The following ZMYM1 variants were observed in gnomAD, a reference collection of about 807,000 sequenced individuals.
The protein encoded by ZMYM1 is zinc finger MYM-type protein 1.
ZMYM1 carries 39 observed loss-of-function variants against 60.0 expected under a neutral mutation model. The observed-to-expected ratio is 0.65, with a 90% CI of 0.50 to 0.85. The LOEUF (loss-of-function observed/expected upper bound fraction) is 0.85, where lower values mean the gene tolerates loss of function less well. Among genes scored for constraint, ZMYM1 ranks in the 40% least tolerant of loss-of-function variants. The probability of loss-of-function intolerance (pLI) is 0.00; values close to 1 mark genes in which losing one functional copy is unlikely to be tolerated. For missense variants in ZMYM1, 1,171 were observed against 1,309.5 expected, an observed-to-expected ratio of 0.89 and a Z score of 1.63; for synonymous variants, 413 against 454.0, an observed-to-expected ratio of 0.91 and a Z score of 1.15.
At chr1:35,100,779 G>A (rs886429331) in intron 4 of ZMYM1, among the ~76,000 whole-genome samples, 24 of 151,800 alleles carry the variant, frequency 1.6e-4, no homozygotes, top group African/African-American at 5.1e-4. Context: ...TTTATTTATC[G>A]GAAAGTTGTT....
chr1:35,097,037 C>G (rs1557671862), intron 3 of ZMYM1, among the ~76,000 whole-genome samples: 1 of 151,928 alleles, frequency 6.6e-6, no homozygotes, highest in East Asian at 1.9e-4. Context: ...GTTGGCCAAG[C>G]TGGTCTTGAA....
At position 35,113,043 on chromosome 1, in the gene ZMYM1, G is replaced by A. The variant is rs771672118; in HGVS notation, c.1213G>A (p.Val405Ile). ...VASSSTEQPSVSPSSSVFSQH... is the reference protein window; with the variant it reads ...VASSSTEQPSISPSSSVFSQH... ...TAGTAGTAGTACGGAACAGCCAAGC[G>A]TTTCACCATCTTCATCAGTATTCAG... is the stretch of plus-strand genomic sequence containing the variant. Residue 405 changes from valine (V) to isoleucine (I), a missense_variant, in exon 10 of 10, where the codon GTT becomes ATT. Transcript: ENST00000359858. 8.1e-6 allele frequency: 13 copies of A among 1,613,540 alleles called. No individual in the cohort carries two copies. The highest frequency in any genetic ancestry group is 4.5e-5 in the East Asian group (2 of 44,870).
intron 3 of ZMYM1, among the ~76,000 whole-genome samples, chr1:35,096,919 C>T (rs529911072): frequency 3.8e-4 from 58 of 152,304 alleles, no homozygotes; most frequent in Non-Finnish European, 7.2e-4. Flanking sequence ...GTCTCAATCT[C>T]TTAAACTCGT....
chr1:35,104,388 T>C lies in ZMYM1; in HGVS notation c.513T>C (p.Tyr171=), dbSNP rs1207671536. 8 of 1,613,200 alleles carry C rather than the reference T, an allele frequency of 5.0e-6. No homozygotes were observed. The highest frequency in any genetic ancestry group is 1.7e-5 in the Admixed American group (1 of 59,694). The stretch of plus-strand genomic sequence containing the variant: ...GCAGCCTATCTTGTCTTTCATCATA[T>C]GAAGAAAAAAGAAAACCATTTGTTA... ...TFCSLSCLSS[Y]EEKRKPFVTI... is the part of the protein sequence containing the mutation. The change falls in exon 5 of 10, where the codon TAT becomes TAC. Residue 171 remains tyrosine, a synonymous_variant. Transcript: ENST00000359858.
chr1:35,060,386 C>G (rs980199151), intron 1 of ZMYM1, among the ~76,000 whole-genome samples: 1 of 151,602 alleles, frequency 6.6e-6, no homozygotes, highest in Non-Finnish European at 1.5e-5. Flanking sequence ...TCTCGAACTC[C>G]CGACCTCTGG....
intron 4 of ZMYM1, among the ~76,000 whole-genome samples, chr1:35,102,314 G>A (rs1014742693): frequency 1.3e-5 from 2 of 152,142 alleles, no homozygotes; most frequent in African/African-American, 4.8e-5. Flanking sequence ...ACTCTGTTAT[G>A]TTAGAATTCG....
Position 35,113,650 on chromosome 1 carries a change from C to G in ZMYM1, c.1820C>G (p.Ser607Ter), listed in dbSNP as rs1211038165. Reference sequence around the variant, plus strand: ...GAAGAAACATTTCGACTTATGAATTCACAAGTTGACTTCTATAACAGTACA... The same window carrying G: ...GAAGAAACATTTCGACTTATGAATTGACAAGTTGACTTCTATAACAGTACA... ...KGEETFRLMN[S>*]QVDFYNSTQI... The change falls in exon 10 of 10, where the codon TCA becomes TGA. Residue 607 changes from serine to a stop codon, truncating the protein, a stop_gained. Coordinates refer to ENST00000359858, the MANE Select transcript of ZMYM1 (RefSeq NM_024772.5). LOFTEE classifies it high-confidence loss of function. 1 of 1,612,238 alleles carries G rather than the reference C, an allele frequency of 6.2e-7. No individual in the cohort carries two copies. Among genetic ancestry groups the G allele is most frequent in the African/African-American group, 1.3e-5 (1 of 74,826 alleles).
chr1:35,076,309 T>C (rs1405530853), upstream of ZMYM1, among the ~76,000 whole-genome samples: 5 of 152,154 alleles, frequency 3.3e-5, no homozygotes, highest in African/African-American at 4.8e-5. Context: ...ATTTTACCCA[T>C]ATGCCCCCAG....
At chr1:35,086,807 G>A (rs1022453040) in intron 1 of ZMYM1, among the ~76,000 whole-genome samples, 2 of 151,146 alleles carry the variant, frequency 1.3e-5, no homozygotes, top group South Asian at 2.1e-4. Context: ...TCAGCCTCCC[G>A]AGTAGCAGGG....
At chr1:35,088,454 A>ATATATGTGTGTGTGTG (rs1464546786) in intron 1 of ZMYM1, among the ~76,000 whole-genome samples, 5 of 107,248 alleles carry the variant, frequency 4.7e-5, no homozygotes, top group African/African-American at 1.7e-4. Context: ...ATATATATAT[A>ATATATGTGTGTGTGTG]TGTGTGTGTG....
At chr1:35,080,072 C>G (rs1289081932) in intron 1 of ZMYM1, among the ~76,000 whole-genome samples, 1 of 148,452 alleles carries the variant, frequency 6.7e-6, no homozygotes, top group African/African-American at 2.5e-5. Context: ...GATCGTGCCA[C>G]TGCACTCCAG....
chr1:35,084,249 A>G (rs1170629403), intron 1 of ZMYM1, among the ~76,000 whole-genome samples: 3 of 151,832 alleles, frequency 2.0e-5, no homozygotes, highest in Non-Finnish European at 4.4e-5. Flanking sequence ...GTTTTCTCAA[A>G]CATAACCAAG....
intron 1 of ZMYM1, among the ~76,000 whole-genome samples, chr1:35,090,738 G>A (rs886826082): frequency 2.0e-5 from 3 of 152,052 alleles, no homozygotes; most frequent in African/African-American, 4.8e-5. Context: ...CCTGAGGTTG[G>A]GAGTTCGAGA....
chr1:35,065,469 G>T (rs1044214465), intron 1 of ZMYM1, among the ~76,000 whole-genome samples: 5 of 151,604 alleles, frequency 3.3e-5, no homozygotes, highest in African/African-American at 4.9e-5. Flanking sequence ...TATTGGTAAG[G>T]CTTCTGGTCA....
At chr1:35,116,005 G>A (rs1644244983), downstream of ZMYM1, 1 of 152,208 alleles carries the variant, frequency 6.6e-6, no homozygotes, top group Non-Finnish European at 1.5e-5. Context: ...ACACAGGAAG[G>A]AAGATCGCTT....
intron 1 of ZMYM1, among the ~76,000 whole-genome samples, chr1:35,070,520 T>C (rs1401198059): frequency 2.0e-5 from 3 of 152,178 alleles, no homozygotes; most frequent in Non-Finnish European, 2.9e-5. Flanking sequence ...GATTATGTTG[T>C]TTAAAATAAA....
At chr1:35,102,487 T>G (rs184194493) in intron 4 of ZMYM1, among the ~76,000 whole-genome samples, 1 of 152,330 alleles carries the variant, frequency 6.6e-6, no homozygotes, top group Admixed American at 6.5e-5. Flanking sequence ...TCAGAAAAGT[T>G]TTTAAGTTTT....
chr1:35,065,530 A>C (rs958310617), intron 1 of ZMYM1, among the ~76,000 whole-genome samples: 12 of 151,936 alleles, frequency 7.9e-5, no homozygotes, highest in African/African-American at 2.9e-4. Context: ...GTTACACATG[A>C]ATCTTCGGCT....
rs556603840 is a variant in ZMYM1, at chr1:35,099,657, A to G, written c.419+2091A>G. Among the ~76,000 whole-genome samples the G allele has an allele frequency of 3.9e-5, 6 of 152,294 alleles. No individual in the cohort carries two copies. The South Asian group carries it at 1.2e-3, about 32-fold the overall frequency. On this transcript the variant is annotated intron_variant, in intron 4 of 9. Transcript: ENST00000359858. Reference sequence around the variant, plus strand: ...TTCCACATTAATTAGCCTTTTACATAAATTTTAGCTATTCTTCTGGGGTTT... The same window carrying G: ...TTCCACATTAATTAGCCTTTTACATGAATTTTAGCTATTCTTCTGGGGTTT...
Sources: allele counts gnomAD v4.1 joint callset (sites outside exome capture counted in the v4.1 genomes callset), GRCh38; gene constraint gnomAD v4.1.1; transcripts MANE v1.5; gene names NCBI Gene and HGNC (gene_info 2026-07-23, HGNC 2026-07-21).